Variants in CTNNBL1 observed in about 807,000 individuals in gnomAD.
The protein encoded by CTNNBL1 is beta-catenin-like protein 1.
In CTNNBL1, 31 loss-of-function variants were observed where a neutral mutation model predicts 72.7. That is an observed-to-expected ratio of 0.43 (90% CI 0.32 to 0.58). The LOEUF (loss-of-function observed/expected upper bound fraction) is 0.58. CTNNBL1 is among the 20% of genes least tolerant of loss of function. The pLI is 0.08. For missense variants in CTNNBL1, 534 were observed against 725.1 expected, an observed-to-expected ratio of 0.74 and a Z score of 3.03; for synonymous variants, 240 against 267.3, an observed-to-expected ratio of 0.90 and a Z score of 1.00.
chr20:37,859,868 C>G (rs143161562), intron 13 of CTNNBL1, 31 bp from the exon 14 acceptor site: 2 of 1,610,530 alleles, frequency 1.2e-6, no homozygotes, highest in South Asian at 2.2e-5. Flanking sequence ...CACTGTCCAG[C>G]TTTTATTCCT....
intron 13 of CTNNBL1, among the ~76,000 whole-genome samples, chr20:37,842,852 A>T (rs572221853): frequency 6.6e-6 from 1 of 152,342 alleles, no homozygotes; most frequent in East Asian, 1.9e-4. Context: ...CCTGGAATCC[A>T]GTTACCCCAT....
intron 10 of CTNNBL1, among the ~76,000 whole-genome samples, chr20:37,780,462 T>C (rs1600483536): frequency 6.6e-6 from 1 of 152,114 alleles, no homozygotes; most frequent in East Asian, 1.9e-4. Flanking sequence ...TCTTCTAGTC[T>C]TTTTTTCTAT....
rs6125953 is a variant in CTNNBL1, at chr20:37,711,468, G to A, written c.30+17316G>A. Among the ~76,000 whole-genome samples, 438 of 151,182 alleles carry A rather than the reference G, an allele frequency of 2.9e-3. 5 individuals carry two copies. The highest frequency in any genetic ancestry group is 0.017 in the East Asian group (89 of 5,148). ...CTAAATGTAAGGTATTACACTAGAC[G>A]TTGGGAATAAAGTGCTAAACAGGAT... is the stretch of plus-strand genomic sequence containing the variant. On this transcript the variant is annotated intron_variant, in intron 1 of 15. Coordinates refer to ENST00000361383, the MANE Select transcript of CTNNBL1 (RefSeq NM_030877.5).
At chr20:37,842,899 C>T (rs920979095) in intron 13 of CTNNBL1, among the ~76,000 whole-genome samples, 3 of 152,228 alleles carry the variant, frequency 2.0e-5, no homozygotes, top group Non-Finnish European at 2.9e-5. Flanking sequence ...AGAACGGAAG[C>T]TCAGATGCAT....
In CTNNBL1 at chr20:37,829,488, G is replaced by A. The variant is rs6091321; in HGVS notation, c.1214-10614G>A. ...GTAAATGCCAGGCCATTGGGATGAT[G>A]GTGAGGGTCTGCTTTTCATAGTCCA... is the stretch of plus-strand genomic sequence containing the variant. On this transcript the variant is annotated intron_variant, in intron 11 of 15. Transcript: ENST00000361383. Among the ~76,000 whole-genome samples, 717 of 152,290 alleles carry A rather than the reference G, an allele frequency of 4.7e-3. 4 individuals carry two copies. Among genetic ancestry groups the A allele is most frequent in the African/African-American group, 0.017 (690 of 41,548 alleles).
At chr20:37,775,236 A>G (rs1363009878) in intron 7 of CTNNBL1, among the ~76,000 whole-genome samples, 2 of 152,224 alleles carry the variant, frequency 1.3e-5, no homozygotes, top group African/African-American at 2.4e-5. Context: ...TTACTTCCTA[A>G]TGGTATGTGT....
rs367762569 is a variant in CTNNBL1, at chr20:37,817,630, C to T, written c.1213+14582C>T. 4.6e-5 allele frequency among the ~76,000 whole-genome samples: 7 copies of T among 152,250 alleles called. No homozygotes were observed. In the East Asian group the frequency reaches 5.8e-4, roughly 13 times the overall value. On this transcript the variant is annotated intron_variant, in intron 11 of 15. Coordinates refer to ENST00000361383, the MANE Select transcript of CTNNBL1 (RefSeq NM_030877.5). ...CCTCATCTATAACAGTGCTTCTTAA[C>T]GTTTATATCACAGACGAATCACCTG...
At chr20:37,704,418 T>C (rs545048052) in intron 1 of CTNNBL1, among the ~76,000 whole-genome samples, 1 of 152,168 alleles carries the variant, frequency 6.6e-6, no homozygotes, top group East Asian at 1.9e-4. Flanking sequence ...TAGTTTAGAC[T>C]CTTAAAACTT....
chr20:37,742,965 A>G (rs2073230627), intron 3 of CTNNBL1, among the ~76,000 whole-genome samples: 1 of 151,822 alleles, frequency 6.6e-6, no homozygotes. Context: ...CACCACACCT[A>G]GTTAATTTTT....
At chr20:37,767,724 G>T (rs1261501194) in intron 6 of CTNNBL1, among the ~76,000 whole-genome samples, 2 of 152,146 alleles carry the variant, frequency 1.3e-5, no homozygotes, top group Admixed American at 6.5e-5. Context: ...CTATCACTTA[G>T]CTCTTTTGTG....
intron 15 of CTNNBL1, among the ~76,000 whole-genome samples, chr20:37,864,537 T>C (rs2072520691): frequency 6.6e-6 from 1 of 152,120 alleles, no homozygotes. Flanking sequence ...CAGGGAATAA[T>C]TGATGGCTCA....
At chr20:37,823,725 T>C (rs1032144326) in intron 11 of CTNNBL1, among the ~76,000 whole-genome samples, 5 of 152,184 alleles carry the variant, frequency 3.3e-5, no homozygotes, top group South Asian at 2.1e-4. Flanking sequence ...CTTCTTTGCA[T>C]TGGGACTGTG....
At chr20:37,862,030 A>G (rs1045529386) in intron 15 of CTNNBL1, among the ~76,000 whole-genome samples, 5 of 152,148 alleles carry the variant, frequency 3.3e-5, no homozygotes, top group Non-Finnish European at 5.9e-5. Context: ...AGGGAATGGT[A>G]AATCCATTGC....
At chr20:37,729,717 T>G (rs1420869192) in intron 1 of CTNNBL1, among the ~76,000 whole-genome samples, 1 of 152,130 alleles carries the variant, frequency 6.6e-6, no homozygotes, top group African/African-American at 2.4e-5. Flanking sequence ...AGGGCTGAAG[T>G]TCCTTACCTG....
chr20:37,736,412 T>C (rs2073172057), intron 2 of CTNNBL1, among the ~76,000 whole-genome samples: 1 of 152,220 alleles, frequency 6.6e-6, no homozygotes, highest in African/African-American at 2.4e-5. Context: ...TTTAAACCTG[T>C]CAGTCTTATC....
intron 13 of CTNNBL1, among the ~76,000 whole-genome samples, chr20:37,856,518 G>A (rs1409367068): frequency 6.6e-6 from 1 of 152,092 alleles, no homozygotes; most frequent in Non-Finnish European, 1.5e-5. Context: ...TGAGCAAGGC[G>A]AGGAGACCAG....
At chr20:37,721,654 C>T (rs1459737816) in intron 1 of CTNNBL1, among the ~76,000 whole-genome samples, 1 of 152,224 alleles carries the variant, frequency 6.6e-6, no homozygotes, top group Non-Finnish European at 1.5e-5. Flanking sequence ...TCATCACATA[C>T]TCCTCTCTAA....
intron 1 of CTNNBL1, among the ~76,000 whole-genome samples, chr20:37,698,160 T>G (rs6020279): frequency 0.04 from 6,145 of 152,280 alleles, 344 homozygotes; most frequent in African/African-American, 0.13. Flanking sequence ...GGTTGCACAA[T>G]AAGGAACTAC....
intron 10 of CTNNBL1, among the ~76,000 whole-genome samples, chr20:37,797,186 T>C (rs2073783768): frequency 1.3e-5 from 2 of 152,210 alleles, no homozygotes; most frequent in Non-Finnish European, 2.9e-5. Flanking sequence ...GTCTAATTCA[T>C]AGAAATCCTG....
Sources: gnomAD v4.1 joint callset for allele counts (sites outside exome capture counted in the v4.1 genomes callset) on GRCh38, gnomAD v4.1.1 for gene constraint, MANE v1.5 for transcripts, NCBI Gene and HGNC (gene_info 2026-07-23, HGNC 2026-07-21) for gene names.